Variants in LOC400499 observed in about 807,000 individuals in gnomAD.
At chr16:11,410,158 A>G in the LOC400499 span, among the ~76,000 whole-genome samples, 1 of 152,176 alleles carries the variant, frequency 6.6e-6, no homozygotes, top group Non-Finnish European at 1.5e-5. Flanking sequence ...AGACATTCTA[A>G]AAACAAAAAA....
the LOC400499 span, among the ~76,000 whole-genome samples, chr16:11,375,592 C>T: frequency 1.3e-5 from 2 of 151,686 alleles, no homozygotes; most frequent in African/African-American, 2.4e-5. Flanking sequence ...GGATTACAGG[C>T]GTGAGCCACT....
the LOC400499 span, chr16:11,447,926 G>A: frequency 7.0e-5 from 108 of 1,533,250 alleles, no homozygotes; most frequent in Non-Finnish European, 8.4e-5. Flanking sequence ...CAGAAGGGGC[G>A]CACATACCTA....
At chr16:11,484,043 T>C in the LOC400499 span, among the ~76,000 whole-genome samples, 11 of 126,506 alleles carry the variant, frequency 8.7e-5, no homozygotes, top group African/African-American at 2.7e-4. Context: ...ACTCTCGCTC[T>C]GTCGCCCAGG....
the LOC400499 span, among the ~76,000 whole-genome samples, chr16:11,402,987 A>C: frequency 6.7e-6 from 1 of 150,056 alleles, no homozygotes; most frequent in African/African-American, 2.5e-5. Flanking sequence ...GTGACAGGTG[A>C]CACCCCATAG....
At chr16:11,457,681 T>A in the LOC400499 span, among the ~76,000 whole-genome samples, 1 of 148,590 alleles carries the variant, frequency 6.7e-6, no homozygotes, top group Admixed American at 6.7e-5. Flanking sequence ...TTGAAAGCAA[T>A]AGAAAGAATC....
the LOC400499 span, among the ~76,000 whole-genome samples, chr16:11,403,202 AC>A: frequency 6.6e-6 from 1 of 152,042 alleles, no homozygotes; most frequent in Non-Finnish European, 1.5e-5. Flanking sequence ...TACAAAGGGC[AC>A]CCACCTGTTC....
chr16:11,423,739 G>C, the LOC400499 span, among the ~76,000 whole-genome samples: 84 of 152,338 alleles, frequency 5.5e-4, no homozygotes, highest in Non-Finnish European at 1.0e-3. Flanking sequence ...CTGCGGGTGT[G>C]AGGCTTCCCC....
At chr16:11,496,447 G>A in the LOC400499 span, among the ~76,000 whole-genome samples, 1 of 152,264 alleles carries the variant, frequency 6.6e-6, no homozygotes, top group Non-Finnish European at 1.5e-5. Flanking sequence ...CACACTGTGT[G>A]AAGGTGTGAA....
the LOC400499 span, chr16:11,385,133 C>G: frequency 8.1e-7 from 1 of 1,230,436 alleles, no homozygotes; most frequent in Non-Finnish European, 1.0e-6. Flanking sequence ...AAAGTGCCAT[C>G]CCCCCAGGCG....
chr16:11,450,534 T>C, the LOC400499 span: 1 of 1,438,488 alleles, frequency 7.0e-7, no homozygotes, highest in Non-Finnish European at 9.4e-7. Flanking sequence ...ACCTCAGCTT[T>C]CATCCGCCTC....
chr16:11,392,500 C>T, the LOC400499 span: 5 of 398,988 alleles, frequency 1.3e-5, no homozygotes, highest in African/African-American at 2.1e-5. Context: ...CCTCTCTGCC[C>T]CCTGGAGCCA....
At chr16:11,388,761 T>C in the LOC400499 span, among the ~76,000 whole-genome samples, 1 of 152,122 alleles carries the variant, frequency 6.6e-6, no homozygotes, top group Admixed American at 6.5e-5. Context: ...ACATCCACTC[T>C]CCCTTGCAGG....
the LOC400499 span, among the ~76,000 whole-genome samples, chr16:11,378,259 T>TC: frequency 7.9e-6 from 1 of 126,460 alleles, no homozygotes; most frequent in African/African-American, 2.8e-5. Context: ...TTCTTTTTTT[T>TC]TTTTTTTGCC....
the LOC400499 span, among the ~76,000 whole-genome samples, chr16:11,428,733 A>C: frequency 6.6e-6 from 1 of 152,160 alleles, no homozygotes; most frequent in Non-Finnish European, 1.5e-5. Context: ...AACGCAGCCC[A>C]GTAGGTCTCA....
the LOC400499 span, among the ~76,000 whole-genome samples, chr16:11,482,094 TC>T: frequency 1.1e-4 from 16 of 152,296 alleles, no homozygotes; most frequent in African/African-American, 3.9e-4. Flanking sequence ...GGGTTTAACC[TC>T]CCACGTGGAG....
the LOC400499 span, among the ~76,000 whole-genome samples, chr16:11,524,361 G>GCCCCCCCCCCCCCCCCCCCCCCCC: frequency 1.1e-5 from 1 of 93,728 alleles, no homozygotes; most frequent in African/African-American, 6.4e-5. Context: ...CATCCACCCA[G>GCCCCCCCCCCCCCCCCCCCCCCCC]CCACCCACCC....
chr16:11,398,381 G>A, the LOC400499 span: 1 of 1,232,294 alleles, frequency 8.1e-7, no homozygotes, highest in Admixed American at 4.2e-5. Context: ...GGTGGAGGGA[G>A]TGCCGCAGCC....
chr16:11,420,184 G>A, the LOC400499 span, among the ~76,000 whole-genome samples: 1 of 150,930 alleles, frequency 6.6e-6, no homozygotes, highest in Admixed American at 6.6e-5. Flanking sequence ...GCAAAGACTT[G>A]GAACCAACCC....
the LOC400499 span, chr16:11,484,841 G>A: frequency 5.0e-6 from 2 of 398,924 alleles, no homozygotes; most frequent in Non-Finnish European, 8.8e-6. Context: ...GGGTGGGCCT[G>A]CCTGGGGGAG....
Sources: gnomAD v4.1 joint callset for allele counts (sites outside exome capture counted in the v4.1 genomes callset) on GRCh38, gnomAD v4.1.1 for gene constraint, MANE v1.5 for transcripts.